CSMD1: variants seen among roughly 807,000 people sequenced by gnomAD.
CSMD1 encodes CUB and sushi domain-containing protein 1.
CSMD1 carries 213 observed loss-of-function variants against 417.5 expected under a neutral mutation model. The ratio of observed to expected loss-of-function variants is 0.51; its 90% CI spans 0.46 to 0.57. The LOEUF is 0.57. Ranked by LOEUF, CSMD1 falls within the 20% of genes least tolerant of loss-of-function variation. The pLI is 0.00. For missense variants in CSMD1, 6,923 were observed against 4,529.7 expected, an observed-to-expected ratio of 1.53 and a Z score of -15.17; for synonymous variants, 2,862 against 1,736.8, an observed-to-expected ratio of 1.65 and a Z score of -16.11.
At position 4,941,555 on chromosome 8, in the gene CSMD1, T is replaced by C. The variant is rs78489990; in HGVS notation, c.85+52777A>G. Among the ~76,000 whole-genome samples the C allele has an allele frequency of 7.7e-3, 1,177 of 152,300 alleles. 12 individuals are homozygous for C. The highest frequency in any genetic ancestry group is 0.026 in the African/African-American group (1,073 of 41,564). ...CTTCTGCAGTCTTTGTCAATTTTTTTCATTTTTATCCTGTTCATGGAAACA... is the reference window on the plus strand; with the variant it reads ...CTTCTGCAGTCTTTGTCAATTTTTTCCATTTTTATCCTGTTCATGGAAACA... On this transcript the variant is annotated intron_variant, in intron 1 of 69. Transcript: ENST00000635120.
chr8:3,943,131 G>T (rs920475213), intron 5 of CSMD1, among the ~76,000 whole-genome samples: 1 of 152,012 alleles, frequency 6.6e-6, no homozygotes, highest in South Asian at 2.1e-4. Flanking sequence ...CATTAAACAA[G>T]CTGAATGCAT....
At chr8:3,490,325 T>C (rs1377538850) in intron 11 of CSMD1, among the ~76,000 whole-genome samples, 1 of 152,188 alleles carries the variant, frequency 6.6e-6, no homozygotes, top group Admixed American at 6.5e-5. Context: ...GTCAATGTAA[T>C]ACATAGTTTG....
chr8:4,738,647 T>C (rs1810399744), intron 1 of CSMD1, among the ~76,000 whole-genome samples: 1 of 152,124 alleles, frequency 6.6e-6, no homozygotes, highest in South Asian at 2.1e-4. Flanking sequence ...TCCAACAGCA[T>C]CGTTTCTGTC....
intron 3 of CSMD1, among the ~76,000 whole-genome samples, chr8:4,345,426 A>C (rs1004258512): frequency 2.6e-5 from 4 of 152,134 alleles, no homozygotes; most frequent in African/African-American, 4.8e-5. Context: ...TATAGTGATC[A>C]AATCAGGATA....
intron 5 of CSMD1, among the ~76,000 whole-genome samples, chr8:3,793,652 A>G (rs1222757546): frequency 6.6e-6 from 1 of 151,986 alleles, no homozygotes; most frequent in Non-Finnish European, 1.5e-5. Flanking sequence ...TGCTTGGATG[A>G]TCTCTCAGCA....
intron 3 of CSMD1, among the ~76,000 whole-genome samples, chr8:4,352,679 C>T (rs565723294): frequency 3.9e-5 from 6 of 152,266 alleles, no homozygotes; most frequent in East Asian, 1.9e-4. Context: ...TTTATAAAAA[C>T]GTATGCATTT....
intron 23 of CSMD1, among the ~76,000 whole-genome samples, chr8:3,340,129 G>A (rs550137528): frequency 1.4e-4 from 21 of 152,236 alleles, no homozygotes; most frequent in Admixed American, 3.9e-4. Context: ...GAAAATCGTT[G>A]AAAATAAGTT....
intron 3 of CSMD1, among the ~76,000 whole-genome samples, chr8:4,158,148 C>G (rs1052115840): frequency 6.6e-6 from 1 of 150,428 alleles, no homozygotes; most frequent in African/African-American, 2.5e-5. Context: ...TCAGACCATT[C>G]TCCCTACGGC....
intron 4 of CSMD1, among the ~76,000 whole-genome samples, chr8:4,026,987 T>C (rs1330534087): frequency 1.3e-5 from 2 of 152,226 alleles, no homozygotes; most frequent in African/African-American, 2.4e-5. Flanking sequence ...TCTTATGCTG[T>C]AGTCCCACTA....
intron 46 of CSMD1, among the ~76,000 whole-genome samples, chr8:3,098,994 G>A (rs916545429): frequency 5.3e-5 from 8 of 150,920 alleles, no homozygotes; most frequent in South Asian, 2.1e-4. Flanking sequence ...GGGACCAACC[G>A]CCCCAAAAAG....
intron 3 of CSMD1, among the ~76,000 whole-genome samples, chr8:4,277,900 A>G (rs1796574300): frequency 6.6e-6 from 1 of 151,662 alleles, no homozygotes; most frequent in Non-Finnish European, 1.5e-5. Context: ...GGCGCCCACC[A>G]CCATCCCCGG....
intron 1 of CSMD1, among the ~76,000 whole-genome samples, chr8:4,654,872 A>C (rs1804131181): frequency 6.6e-6 from 1 of 152,092 alleles, no homozygotes; most frequent in African/African-American, 2.4e-5. Context: ...GAAAGGGGCA[A>C]AGGGTTGAAA....
chr8:4,509,132 T>C (rs756467624), intron 2 of CSMD1, among the ~76,000 whole-genome samples: 2 of 152,110 alleles, frequency 1.3e-5, no homozygotes, highest in Non-Finnish European at 2.9e-5. Flanking sequence ...TGAAGTAAAA[T>C]AAACAATAGA....
chr8:3,001,978 T>G (rs146573281), intron 52 of CSMD1, among the ~76,000 whole-genome samples: 1 of 152,288 alleles, frequency 6.6e-6, no homozygotes, highest in East Asian at 1.9e-4. Flanking sequence ...AGAACAAACT[T>G]ATTATCAGGA....
At chr8:4,973,431 G>A (rs1028136736) in intron 1 of CSMD1, among the ~76,000 whole-genome samples, 36 of 151,950 alleles carry the variant, frequency 2.4e-4, no homozygotes, top group African/African-American at 6.8e-4. Context: ...TCCCCAGTAT[G>A]GGTTTTAGAA....
At chr8:3,901,705 G>A (rs1269255193) in intron 5 of CSMD1, among the ~76,000 whole-genome samples, 2 of 152,182 alleles carry the variant, frequency 1.3e-5, no homozygotes, top group Admixed American at 6.5e-5. Context: ...ATTTTGAAAT[G>A]GCAAAGAATG....
intron 2 of CSMD1, among the ~76,000 whole-genome samples, chr8:4,491,970 A>T (rs972621232): frequency 6.6e-6 from 1 of 152,166 alleles, no homozygotes; most frequent in African/African-American, 2.4e-5. Flanking sequence ...AGTAACCAAG[A>T]CATTCATTAA....
intron 3 of CSMD1, among the ~76,000 whole-genome samples, chr8:4,089,817 G>C (rs897374887): frequency 1.5e-4 from 23 of 152,116 alleles, no homozygotes; most frequent in Admixed American, 3.9e-4. Flanking sequence ...TTTGGTCTTG[G>C]AGGGTGAGAG....
chr8:3,816,182 C>T (rs116507621), intron 5 of CSMD1, among the ~76,000 whole-genome samples: 3,229 of 152,268 alleles, frequency 0.021, 125 homozygotes, highest in African/African-American at 0.072. Context: ...CCTCTGTGCT[C>T]TCTGCATCTG....
Sources: gnomAD v4.1 joint callset for allele counts (sites outside exome capture counted in the v4.1 genomes callset) on GRCh38, gnomAD v4.1.1 for gene constraint, MANE v1.5 for transcripts, NCBI Gene and HGNC (gene_info 2026-07-23, HGNC 2026-07-21) for gene names.